The following PCDHA9 variants were observed in gnomAD, a reference collection of about 807,000 sequenced individuals.
PCDHA9 encodes the protein protocadherin alpha 9, also known as protocadherin alpha-9.
Under a neutral mutation model 62.0 loss-of-function variants are expected in PCDHA9, and 62 were observed. The ratio of observed to expected loss-of-function variants is 1.00; its 90% CI spans 0.81 to 1.23. The LOEUF is 1.23. Among genes scored for constraint, PCDHA9 ranks in the 50% most tolerant of loss-of-function variants. The pLI, the probability that PCDHA9 is intolerant of heterozygous loss-of-function variation, is 0.00. For missense variants in PCDHA9, 1,205 were observed against 1,249.8 expected, an observed-to-expected ratio of 0.96 and a Z score of 0.54; for synonymous variants, 557 against 567.6, an observed-to-expected ratio of 0.98 and a Z score of 0.27.
intron 1 of PCDHA9, among the ~76,000 whole-genome samples, chr5:140,943,763 G>T (rs2093562574): frequency 6.6e-6 from 1 of 152,122 alleles, no homozygotes; most frequent in Admixed American, 6.5e-5. Context: ...GGAGATGTAG[G>T]AAAAAAACTA....
chr5:140,966,449 C>CT (rs1737219736), intron 1 of PCDHA9: 1 of 425,908 alleles, frequency 2.3e-6, no homozygotes, highest in South Asian at 9.0e-5. Context: ...CCCTTTCCCC[C>CT]TCCCCCTCTG....
Position 140,869,430 on chromosome 5 carries a change from C to A in PCDHA9, c.2394+18541C>A, listed in dbSNP as rs73793507. On this transcript the variant is annotated intron_variant, in intron 1 of 3. Transcript: ENST00000532602. ...AGTGCAGCATCCACCTGGAGGTGATCGTGGACAGGCCGCTGCAGGTTTTCC... is the reference window on the plus strand; with the variant it reads ...AGTGCAGCATCCACCTGGAGGTGATAGTGGACAGGCCGCTGCAGGTTTTCC... 7.1e-4 allele frequency: 1,143 copies of A among 1,614,154 alleles called. 9 individuals are homozygous for A. In the African/African-American group the frequency reaches 0.013, roughly 18 times the overall value.
At chr5:140,937,869 G>A (rs1268422806) in intron 1 of PCDHA9, among the ~76,000 whole-genome samples, 1 of 150,376 alleles carries the variant, frequency 6.6e-6, no homozygotes, top group African/African-American at 2.5e-5. Flanking sequence ...CCGAGATCGC[G>A]CCACTGCACT....
In PCDHA9 at chr5:140,852,910, G is replaced by C. The variant is rs2150524838; in HGVS notation, c.2394+2021G>C. 404 of 797,110 alleles carry C rather than the reference G, an allele frequency of 5.1e-4. 8 individuals are homozygous for C. In the South Asian group the frequency reaches 0.02, roughly 39 times the overall value. 49.4% of individuals were successfully genotyped at this position (797,110 alleles called of 1,614,324 possible). A position where few individuals can be genotyped will look rare whatever the true frequency, so the allele number is the denominator to read the frequency against. ...ATTTTTTTTTTTGAGTCAGAGTCTCGCTCTGTTGCCCAGGCTGGAGTGCAG... is the reference window on the plus strand; with the variant it reads ...ATTTTTTTTTTTGAGTCAGAGTCTCCCTCTGTTGCCCAGGCTGGAGTGCAG... On this transcript the variant is annotated intron_variant, in intron 1 of 3. Transcript: ENST00000532602.
chr5:140,958,873 A>G (rs1554223676), intron 1 of PCDHA9, among the ~76,000 whole-genome samples: 1 of 152,100 alleles, frequency 6.6e-6, no homozygotes, highest in East Asian at 1.9e-4. Context: ...TTTATAAAAG[A>G]ATTGACCAGT....
At chr5:140,876,955 G>C in intron 1 of PCDHA9, 1 of 1,613,390 alleles carries the variant, frequency 6.2e-7, no homozygotes, top group Admixed American at 1.7e-5. Flanking sequence ...CTACTCGCTG[G>C]TGGAGCGGCG....
intron 1 of PCDHA9, chr5:140,853,295 G>T: frequency 1.0e-6 from 1 of 982,026 alleles, no homozygotes. Flanking sequence ...ATTCTCAGAA[G>T]GGCTGTGAAC....
intron 3 of PCDHA9, among the ~76,000 whole-genome samples, chr5:141,004,079 A>G (rs1192943756): frequency 1.3e-5 from 2 of 152,210 alleles, no homozygotes; most frequent in Non-Finnish European, 2.9e-5. Context: ...TTAGGGGTAG[A>G]AATGTGCTTC....
intron 1 of PCDHA9, chr5:140,857,339 T>A (rs2044519052): frequency 1.3e-6 from 2 of 1,597,956 alleles, no homozygotes; most frequent in Non-Finnish European, 1.7e-6. Context: ...GGACGGGGGC[T>A]CGCCTCCGCT....
At chr5:140,903,585 T>C (rs928775971) in intron 1 of PCDHA9, among the ~76,000 whole-genome samples, 2 of 152,224 alleles carry the variant, frequency 1.3e-5, no homozygotes, top group Non-Finnish European at 2.9e-5. Context: ...TAGCTGGTGT[T>C]GGCCTGATAA....
intron 1 of PCDHA9, chr5:140,875,283 CAG>C: frequency 7.3e-7 from 1 of 1,362,464 alleles, no homozygotes; most frequent in Non-Finnish European, 9.6e-7. Flanking sequence ...GAAGGTGAAA[CAG>C]GAAAATTTTT....
chr5:140,854,300 G>A lies in PCDHA9; in HGVS notation c.2394+3411G>A, dbSNP rs193127815. The A allele has an allele frequency of 1.0e-3, 435 of 414,882 alleles. 8 individuals are homozygous for A. Among genetic ancestry groups the A allele is most frequent in the African/African-American group, 1.4e-3 (63 of 46,296 alleles). The allele number at this position is 414,882 out of a possible 1,614,324, so 25.7% of individuals were successfully genotyped here. The stretch of plus-strand genomic sequence containing the variant: ...GAGTTTAGTTTTTATTATTTTGTGC[G>A]TGGAGATGATTGATCAATGGCAAAC... On this transcript the variant is annotated intron_variant, in intron 1 of 3. Coordinates refer to ENST00000532602, the MANE Select transcript of PCDHA9 (RefSeq NM_031857.2).
chr5:140,982,566 A>C lies in PCDHA9; in HGVS notation c.2542+3A>C. 1.2e-6 allele frequency: 2 copies of C among 1,614,088 alleles called. No individual in the cohort carries two copies. Among genetic ancestry groups the C allele is most frequent in the Non-Finnish European group, 1.7e-6 (2 of 1,179,950 alleles). ...AACAGTATCCAGTGCAACACCAGGT[A>C]AAGAGCTGGGGTCTCTCCATTCTTT... is the stretch of plus-strand genomic sequence containing the variant. On this transcript the variant is annotated splice_donor_region_variant and intron_variant, in intron 3 of 3. Transcript: ENST00000532602.
intron 1 of PCDHA9, among the ~76,000 whole-genome samples, chr5:140,960,147 T>C (rs2095529138): frequency 6.6e-6 from 1 of 152,322 alleles, no homozygotes; most frequent in Admixed American, 6.5e-5. Context: ...TATTAATAGC[T>C]TGAGACTGAT....
At chr5:140,856,766 A>G in intron 1 of PCDHA9, 1 of 1,596,904 alleles carries the variant, frequency 6.3e-7, no homozygotes, top group South Asian at 1.1e-5. Flanking sequence ...TAACGCCCCT[A>G]TCTTTGACAG....
At chr5:140,875,056 G>C (rs1554167464) in intron 1 of PCDHA9, among the ~76,000 whole-genome samples, 1 of 152,176 alleles carries the variant, frequency 6.6e-6, no homozygotes, top group Non-Finnish European at 1.5e-5. Context: ...CTTTGAAGCA[G>C]AAAACATTTT....
intron 1 of PCDHA9, chr5:140,883,898 C>A (rs781898009): frequency 6.2e-7 from 1 of 1,613,344 alleles, no homozygotes; most frequent in South Asian, 1.1e-5. Flanking sequence ...TGGCGTGCCG[C>A]CTCTGGGCAG....
At chr5:141,007,638 T>G (rs1393056593) in intron 3 of PCDHA9, among the ~76,000 whole-genome samples, 7 of 152,128 alleles carry the variant, frequency 4.6e-5, no homozygotes, top group African/African-American at 1.7e-4. Context: ...GCCCTCCCTG[T>G]ATTTGCCTAA....
At position 140,993,462 on chromosome 5, in the gene PCDHA9, T is replaced by TCACACACACA. The variant is rs3836747; in HGVS notation, c.2542+10937_2542+10946dup. On this transcript the variant is annotated intron_variant, in intron 3 of 3. Coordinates refer to ENST00000532602, the MANE Select transcript of PCDHA9 (RefSeq NM_031857.2). Reference sequence around the variant, plus strand: ...CATTCCTGTTCTCCTTCTTTCTTTCTCACACACACACACACACACACACAC... The same window carrying TCACACACACA: ...CATTCCTGTTCTCCTTCTTTCTTTCTCACACACACACACACACACACACACACACACACAC... Among the ~76,000 whole-genome samples, 267 of 141,038 alleles carry TCACACACACA rather than the reference T, an allele frequency of 1.9e-3. 2 individuals are homozygous for TCACACACACA. The highest frequency in any genetic ancestry group is 2.7e-3 in the Non-Finnish European group (175 of 64,694). The allele number at this position is 141,038 out of a possible 152,430, so 92.5% of individuals were successfully genotyped here.
Sources: allele counts gnomAD v4.1 joint callset (sites outside exome capture counted in the v4.1 genomes callset), GRCh38; gene constraint gnomAD v4.1.1; transcripts MANE v1.5; gene names NCBI Gene and HGNC (gene_info 2026-07-23, HGNC 2026-07-21).